PLCB1: variants seen among roughly 807,000 people sequenced by gnomAD.
PLCB1 encodes the protein phospholipase C beta 1, also known as 1-phosphatidylinositol 4,5-bisphosphate phosphodiesterase beta-1.
In PLCB1, 46 loss-of-function variants were observed where a neutral mutation model predicts 161.8. The ratio of observed to expected loss-of-function variants is 0.28; its 90% CI spans 0.22 to 0.36. PLCB1 has a LOEUF of 0.36. Among genes scored for constraint, PLCB1 ranks in the 10% least tolerant of loss-of-function variants. The pLI is 1.00. For synonymous variants in PLCB1, 517 were observed against 503.7 expected, an observed-to-expected ratio of 1.03 and a Z score of -0.35; for missense variants, 1,016 against 1,472.5, an observed-to-expected ratio of 0.69 and a Z score of 5.07.
intron 3 of PLCB1, among the ~76,000 whole-genome samples, chr20:8,419,055 G>A (rs748805689): frequency 5.9e-5 from 9 of 152,110 alleles, no homozygotes; most frequent in African/African-American, 1.4e-4. Context: ...TCATGTAAGC[G>A]TTCCTGATCA....
At chr20:8,723,184 G>T (rs1979743153) in intron 15 of PLCB1, among the ~76,000 whole-genome samples, 1 of 152,100 alleles carries the variant, frequency 6.6e-6, no homozygotes, top group South Asian at 2.1e-4. Context: ...AATGTCTAAA[G>T]TTTTGCTTAA....
chr20:8,202,515 A>G (rs1313632832), intron 2 of PLCB1, among the ~76,000 whole-genome samples: 2 of 152,244 alleles, frequency 1.3e-5, no homozygotes, highest in Admixed American at 6.5e-5. Context: ...TTCTACAGTG[A>G]TATCTATCTT....
intron 2 of PLCB1, among the ~76,000 whole-genome samples, chr20:8,273,274 T>C (rs1350061406): frequency 6.6e-6 from 1 of 152,214 alleles, no homozygotes; most frequent in Admixed American, 6.5e-5. Flanking sequence ...ACCGTCATTT[T>C]ATGACTTGGC....
chr20:8,681,086 G>GTGTGTATATA (rs1394518085), intron 9 of PLCB1, among the ~76,000 whole-genome samples: 3 of 73,846 alleles, frequency 4.1e-5, no homozygotes, highest in Admixed American at 1.6e-4. Flanking sequence ...ATGTGTGTGT[G>GTGTGTATATA]TATATATATA....
chr20:8,682,944 A>G (rs1191460033), intron 9 of PLCB1, among the ~76,000 whole-genome samples: 1 of 152,140 alleles, frequency 6.6e-6, no homozygotes, highest in Non-Finnish European at 1.5e-5. Context: ...AGAGCAGTCA[A>G]TGCAATGTCA....
At chr20:8,648,101 C>A in intron 6 of PLCB1, 148 bp downstream of exon 6, 1 of 537,902 alleles carries the variant, frequency 1.9e-6, no homozygotes, top group South Asian at 2.8e-5. Context: ...TGTCTCATGT[C>A]AGTGCAGCTG....
At chr20:8,415,269 C>A (rs1316490210) in intron 3 of PLCB1, among the ~76,000 whole-genome samples, 1 of 152,200 alleles carries the variant, frequency 6.6e-6, no homozygotes, top group Non-Finnish European at 1.5e-5. Context: ...GTTTACTCAG[C>A]ATCTCTAGTT....
intron 31 of PLCB1, among the ~76,000 whole-genome samples, chr20:8,861,728 CAAAA>C (rs35862889): frequency 3.7e-5 from 4 of 108,186 alleles, no homozygotes; most frequent in Admixed American, 2.0e-4. Flanking sequence ...GACTCTACCT[CAAAA>C]AAAAAAAAAA....
At chr20:8,257,319 T>C (rs1288814443) in intron 2 of PLCB1, among the ~76,000 whole-genome samples, 1 of 152,066 alleles carries the variant, frequency 6.6e-6, no homozygotes, top group Non-Finnish European at 1.5e-5. Context: ...TTGAACAAAT[T>C]ACAAAATTAG....
chr20:8,259,376 G>A (rs957990993), intron 2 of PLCB1, among the ~76,000 whole-genome samples: 2 of 152,110 alleles, frequency 1.3e-5, no homozygotes, highest in African/African-American at 4.8e-5. Flanking sequence ...GAGCACTTTG[G>A]GAGGCTGAGG....
At chr20:8,214,625 A>G (rs1338872886) in intron 2 of PLCB1, among the ~76,000 whole-genome samples, 2 of 133,742 alleles carry the variant, frequency 1.5e-5, no homozygotes, top group African/African-American at 2.5e-5. Flanking sequence ...TTAAAAGGCT[A>G]CTGAACTATG....
At chr20:8,729,550 C>G (rs1001894097) in intron 18 of PLCB1, 2 of 155,672 alleles carry the variant, frequency 1.3e-5, no homozygotes, top group African/African-American at 4.8e-5. Context: ...GCTTTGTAAT[C>G]TATGTCTTTT....
At chr20:8,509,031 C>T (rs545640771) in intron 3 of PLCB1, among the ~76,000 whole-genome samples, 40 of 152,246 alleles carry the variant, frequency 2.6e-4, no homozygotes, top group African/African-American at 8.9e-4. Flanking sequence ...CAGACCACTC[C>T]GTCCATTCTA....
intron 3 of PLCB1, among the ~76,000 whole-genome samples, chr20:8,559,209 A>G (rs1020550392): frequency 6.6e-6 from 1 of 151,942 alleles, no homozygotes; most frequent in African/African-American, 2.4e-5. Flanking sequence ...AGATATGGAG[A>G]ATATAAGAGC....
intron 1 of PLCB1, among the ~76,000 whole-genome samples, chr20:8,143,046 A>T (rs576550655): frequency 2.6e-5 from 4 of 152,296 alleles, no homozygotes; most frequent in Non-Finnish European, 5.9e-5. Flanking sequence ...AACAGTGTCT[A>T]TATGAGTTTC....
intron 3 of PLCB1, among the ~76,000 whole-genome samples, chr20:8,617,662 C>G (rs1988072317): frequency 6.6e-6 from 1 of 152,172 alleles, no homozygotes; most frequent in Admixed American, 6.5e-5. Context: ...AAGAGGCAAC[C>G]AATTCATGGC....
At chr20:8,872,703 C>T (rs550041567) in intron 31 of PLCB1, among the ~76,000 whole-genome samples, 3 of 152,176 alleles carry the variant, frequency 2.0e-5, no homozygotes, top group African/African-American at 7.2e-5. Flanking sequence ...GTTTCTAATT[C>T]CCTTTGTGGA....
intron 2 of PLCB1, among the ~76,000 whole-genome samples, chr20:8,235,691 C>G (rs1173963054): frequency 1.3e-5 from 2 of 151,876 alleles, no homozygotes; most frequent in African/African-American, 4.8e-5. Flanking sequence ...TTATAACTTG[C>G]GTATGAGATG....
chr20:8,712,963 G>A (rs547763429), intron 12 of PLCB1, among the ~76,000 whole-genome samples: 57 of 152,172 alleles, frequency 3.7e-4, no homozygotes, highest in South Asian at 1.9e-3. Flanking sequence ...CAATTTTAAT[G>A]CCTTTTATTT....
Sources: allele counts gnomAD v4.1 joint callset (sites outside exome capture counted in the v4.1 genomes callset), GRCh38; gene constraint gnomAD v4.1.1; transcripts MANE v1.5; gene names NCBI Gene and HGNC (gene_info 2026-07-23, HGNC 2026-07-21).